The following FAM193A variants were observed in gnomAD, a reference collection of about 807,000 sequenced individuals.
FAM193A encodes family with sequence similarity 193 member A.
Under a neutral mutation model 126.5 loss-of-function variants are expected in FAM193A, and 22 were observed. The observed-to-expected ratio is 0.17, with a 90% CI of 0.12 to 0.25. The LOEUF (loss-of-function observed/expected upper bound fraction) is 0.25, where lower values mean the gene tolerates loss of function less well. Among genes scored for constraint, FAM193A ranks in the 10% least tolerant of loss-of-function variants. The probability of loss-of-function intolerance (pLI) is 1.00; values close to 1 mark genes in which losing one functional copy is unlikely to be tolerated. For synonymous variants in FAM193A, 761 were observed against 646.8 expected (o/e 1.18, Z -2.68); for missense variants, 1,675 against 1,672.8 (o/e 1.00, Z -0.02).
intron 19 of FAM193A, among the ~76,000 whole-genome samples, chr4:2,708,822 G>C (rs564465966): frequency 6.6e-6 from 1 of 152,262 alleles, no homozygotes; most frequent in East Asian, 1.9e-4. Context: ...TCTTACTGTT[G>C]ATTCTCTGGG....
intron 19 of FAM193A, among the ~76,000 whole-genome samples, chr4:2,710,588 A>G (rs1718840070): frequency 6.6e-6 from 1 of 150,996 alleles, no homozygotes. Context: ...TGCAACCTCA[A>G]CTTCCCTGGG....
chr4:2,658,993 C>T (rs981100530), intron 8 of FAM193A, among the ~76,000 whole-genome samples: 2 of 152,176 alleles, frequency 1.3e-5, no homozygotes, highest in Admixed American at 6.5e-5. Context: ...TCAGGTGATC[C>T]GCCTGCCTCT....
chr4:2,646,584 G>T, intron 6 of FAM193A, 101 bp from the exon 7 acceptor site: 1 of 1,274,004 alleles, frequency 7.8e-7, no homozygotes, highest in South Asian at 1.5e-5. Context: ...GTTGGGAGGC[G>T]AGATGACAAA....
chr4:2,625,775 G>A (rs1031725002), intron 3 of FAM193A, among the ~76,000 whole-genome samples: 23 of 146,892 alleles, frequency 1.6e-4, no homozygotes, highest in Non-Finnish European at 2.4e-4. Flanking sequence ...CCCCCAGGCC[G>A]GAGGGCAGTG....
At chr4:2,540,854 C>T (rs972286381) in intron 1 of FAM193A, among the ~76,000 whole-genome samples, 39 of 151,552 alleles carry the variant, frequency 2.6e-4, no homozygotes, top group African/African-American at 9.2e-4. Flanking sequence ...CCAGCTACTC[C>T]GGACGCTGAG....
chr4:2,635,757 C>T (rs868580648), intron 5 of FAM193A, among the ~76,000 whole-genome samples: 29 of 152,116 alleles, frequency 1.9e-4, no homozygotes, highest in Non-Finnish European at 2.9e-4. Context: ...AGGCTGGTCT[C>T]GAACTCCTGA....
rs1177350518 is a variant in FAM193A at position 2,626,575 on chromosome 4, T to C, written c.801T>C (p.Asp267=). 5.7e-6 allele frequency: 4 copies of C among 699,816 alleles called. No individual in the cohort carries two copies. In the South Asian group the frequency reaches 5.9e-5, roughly 10 times the overall value. 43.4% of individuals were successfully genotyped at this position (699,816 alleles called of 1,614,324 possible). The stretch of plus-strand genomic sequence containing the variant: ...AGGAGGGAGTGAAGGAGCTCGTGGA[T>C]AGGTACATACTGCCCTTTCCTGTTG... ...PDKEGVKELV[D]RLCERDPYQL... The change falls in exon 4 of 21, where the codon GAT becomes GAC. Residue 267 remains aspartate (D), a splice_region_variant and synonymous_variant. Coordinates refer to ENST00000637812, the MANE Select transcript of FAM193A (RefSeq NM_001366318.2).
intron 2 of FAM193A, among the ~76,000 whole-genome samples, chr4:2,613,425 C>T (rs1193002990): frequency 7.5e-6 from 1 of 133,768 alleles, no homozygotes; most frequent in Non-Finnish European, 1.6e-5. Flanking sequence ...TGTAAAAACT[C>T]ATTTATTAGT....
intron 20 of FAM193A, among the ~76,000 whole-genome samples, chr4:2,721,826 G>A (rs1323220178): frequency 6.6e-6 from 1 of 152,176 alleles, no homozygotes; most frequent in Non-Finnish European, 1.5e-5. Flanking sequence ...TGCATGTCCC[G>A]GGGGCGGGGC....
intron 19 of FAM193A, among the ~76,000 whole-genome samples, chr4:2,706,731 G>A (rs530665789): frequency 1.3e-5 from 2 of 150,956 alleles, no homozygotes; most frequent in African/African-American, 4.9e-5. Context: ...ATCTCGTAGG[G>A]CTGTTCTCTC....
chr4:2,588,567 G>T (rs1383037686), intron 1 of FAM193A, among the ~76,000 whole-genome samples: 4 of 152,164 alleles, frequency 2.6e-5, no homozygotes, highest in African/African-American at 9.7e-5. Context: ...CAGCAGAGGT[G>T]TGGGTGACTT....
chr4:2,592,672 T>G lies in FAM193A; in HGVS notation c.256-3412T>G, dbSNP rs996924645. On this transcript the variant is annotated intron_variant, in intron 1 of 20. Coordinates refer to ENST00000637812, the MANE Select transcript of FAM193A (RefSeq NM_001366318.2). The stretch of plus-strand genomic sequence containing the variant: ...GCTACCCAGACCGAGTCTGAGGATC[T>G]CCTTGATTGAGGAGGCTGAGTTGAG... Among the ~76,000 whole-genome samples the G allele has an allele frequency of 3.9e-5, 6 of 152,298 alleles. No individual in the cohort carries two copies. In the South Asian group the frequency reaches 1.2e-3, roughly 32 times the overall value.
chr4:2,673,333 CAT>C (rs1454768115), intron 13 of FAM193A, among the ~76,000 whole-genome samples: 11 of 152,174 alleles, frequency 7.2e-5, no homozygotes, highest in South Asian at 2.1e-4. Context: ...TTTCCAAACA[CAT>C]GTGTGTTTTC....
Position 2,559,909 on chromosome 4 carries a change from C to T in FAM193A, c.255+22739C>T, listed in dbSNP as rs990244339. ...TGCGGCCTGCGTGGCCTGATCGGGCCGGGTTTTTCTTGCCTCTGCGCCTTT... is the reference window on the plus strand; with the variant it reads ...TGCGGCCTGCGTGGCCTGATCGGGCTGGGTTTTTCTTGCCTCTGCGCCTTT... On this transcript the variant is annotated intron_variant, in intron 1 of 20. Coordinates refer to ENST00000637812, the MANE Select transcript of FAM193A (RefSeq NM_001366318.2). Among the ~76,000 whole-genome samples the T allele has an allele frequency of 9.9e-5, 15 of 152,104 alleles. No individual in the cohort carries two copies. The South Asian group carries it at 1.0e-3, about 11-fold the overall frequency.
chr4:2,542,296 C>T (rs780274441), intron 1 of FAM193A, among the ~76,000 whole-genome samples: 1 of 152,108 alleles, frequency 6.6e-6, no homozygotes, highest in Non-Finnish European at 1.5e-5. Context: ...TGAGCAACCA[C>T]GCCCGGCCAT....
chr4:2,659,530 G>C, intron 8 of FAM193A, 28 bp from the exon 9 acceptor site: 1 of 1,508,680 alleles, frequency 6.6e-7, no homozygotes, highest in Non-Finnish European at 9.2e-7. Flanking sequence ...GGTCTTGCAA[G>C]ATTAAAGCAT....
At chr4:2,570,033 T>C (rs1439247000) in intron 1 of FAM193A, among the ~76,000 whole-genome samples, 1 of 143,062 alleles carries the variant, frequency 7.0e-6, no homozygotes, top group Non-Finnish European at 1.5e-5. Flanking sequence ...ATAAGTCAAA[T>C]ACATCTGGAG....
intron 20 of FAM193A, among the ~76,000 whole-genome samples, chr4:2,729,952 C>T (rs1157183250): frequency 2.0e-5 from 3 of 152,110 alleles, no homozygotes; most frequent in African/African-American, 4.8e-5. Context: ...GTCACCCAGG[C>T]TGGAGTGCGG....
intron 1 of FAM193A, among the ~76,000 whole-genome samples, chr4:2,537,472 C>G (rs1214276088): frequency 6.6e-6 from 1 of 152,214 alleles, no homozygotes; most frequent in East Asian, 1.9e-4. Flanking sequence ...GCTGGAGCAG[C>G]CCCTCAACGG....
Sources: allele counts gnomAD v4.1 joint callset (sites outside exome capture counted in the v4.1 genomes callset), GRCh38; gene constraint gnomAD v4.1.1; transcripts MANE v1.5; gene names NCBI Gene and HGNC (gene_info 2026-07-23, HGNC 2026-07-21).